RGPD4: variants seen among roughly 807,000 people sequenced by gnomAD.
RGPD4 encodes RANBP2 like and GRIP domain containing 4.
A neutral mutation model predicts 141.1 loss-of-function variants in RGPD4; 84 were observed. The ratio of observed to expected loss-of-function variants is 0.60; its 90% CI spans 0.50 to 0.71. RGPD4 has a LOEUF of 0.71. Among genes scored for constraint, RGPD4 ranks in the 30% least tolerant of loss-of-function variants. RGPD4 has a pLI of 0.00. For missense variants in RGPD4, 918 were observed against 1,622.4 expected (o/e 0.57, Z 7.46); for synonymous variants, 298 against 566.8 (o/e 0.53, Z 6.74).
chr2:107,828,220 G>A (rs1478398132), intron 1 of RGPD4, among the ~76,000 whole-genome samples: 6 of 32,200 alleles, frequency 1.9e-4, no homozygotes, highest in Admixed American at 9.6e-4. Flanking sequence ...CTGGCCGGGC[G>A]GCGGCGGCCT....
intron 22 of RGPD4, among the ~76,000 whole-genome samples, chr2:107,889,087 A>G (rs1477631930): frequency 6.6e-6 from 1 of 150,522 alleles, no homozygotes; most frequent in South Asian, 2.1e-4. Flanking sequence ...AATTTTGAAA[A>G]TGCTACTCTG....
At chr2:107,881,468 C>G (rs1195414979) in intron 21 of RGPD4, among the ~76,000 whole-genome samples, 1 of 151,864 alleles carries the variant, frequency 6.6e-6, no homozygotes. Flanking sequence ...CAGGCACGCA[C>G]CACCATGCCC....
chr2:107,859,742 T>G lies in RGPD4; in HGVS notation c.1655T>G (p.Leu552Trp). The change falls in exon 12 of 23, where the codon TTG becomes TGG. Residue 552 changes from leucine (L) to tryptophan (W), a missense_variant. Coordinates refer to ENST00000408999, the MANE Select transcript of RGPD4 (RefSeq NM_182588.3). ...RKAVPGNSAK[L>W]RLLVQHEINT... Reference sequence around the variant, plus strand: ...TTTAGACCTGGAAACTCAGCAAAATTGAGACTTTTAGTTCAGCATGAAATA... The same window carrying G: ...TTTAGACCTGGAAACTCAGCAAAATGGAGACTTTTAGTTCAGCATGAAATA... The G allele has an allele frequency of 6.2e-7, 1 of 1,611,178 alleles. No homozygotes were observed. The highest frequency in any genetic ancestry group is 8.5e-7 in the Non-Finnish European group (1 of 1,179,842).
intron 17 of RGPD4, among the ~76,000 whole-genome samples, chr2:107,863,675 T>C (rs1682634555): frequency 1.3e-5 from 2 of 151,700 alleles, no homozygotes; most frequent in South Asian, 4.1e-4. Context: ...GTATTTTTAG[T>C]AGACACAGAG....
chr2:107,829,276 CG>C, intron 1 of RGPD4, among the ~76,000 whole-genome samples: 1 of 33,430 alleles, frequency 3.0e-5, no homozygotes, highest in East Asian at 4.6e-4. Context: ...GGCCTTGACC[CG>C]GCCCGGCGGC....
intron 1 of RGPD4, among the ~76,000 whole-genome samples, chr2:107,828,036 G>C (rs1409712310): frequency 3.3e-5 from 2 of 60,804 alleles, no homozygotes; most frequent in Admixed American, 2.9e-4. Context: ...TGGCTCAGGC[G>C]TCATGGCTCC....
chr2:107,883,834 C>G (rs904494992), intron 22 of RGPD4, among the ~76,000 whole-genome samples: 5 of 152,048 alleles, frequency 3.3e-5, no homozygotes, highest in African/African-American at 9.7e-5. Flanking sequence ...TTTACAAGCA[C>G]AAGGAAGGCG....
intron 20 of RGPD4, among the ~76,000 whole-genome samples, chr2:107,878,543 A>G (rs1243315612): frequency 2.0e-5 from 3 of 151,198 alleles, no homozygotes; most frequent in East Asian, 1.9e-4. Context: ...TTTAATTACT[A>G]TTACTCTAAG....
At chr2:107,835,071 CTT>C (rs1195678590) in intron 1 of RGPD4, among the ~76,000 whole-genome samples, 4 of 11,634 alleles carry the variant, frequency 3.4e-4, no homozygotes, top group African/African-American at 6.3e-4. Flanking sequence ...GTTGTATCAG[CTT>C]TTTTTTTTTT....
At position 107,826,914 on chromosome 2, in the gene RGPD4, G is replaced by C. The variant is rs943607804; in HGVS notation, c.-100G>C. 5 of 1,545,710 alleles carry C rather than the reference G, an allele frequency of 3.2e-6. No individual in the cohort carries two copies. In the African/African-American group the frequency reaches 4.1e-5, roughly 13 times the overall value. On this transcript the variant is annotated 5_prime_UTR_variant, in exon 1 of 23. Transcript: ENST00000408999. ...GTCACAGTGGTCCTCCGCCGGCTACGCGGAGTCAGTGGCTTTCAGGCGCTT... is the reference window on the plus strand; with the variant it reads ...GTCACAGTGGTCCTCCGCCGGCTACCCGGAGTCAGTGGCTTTCAGGCGCTT...
At chr2:107,887,298 A>G (rs1432463052) in intron 22 of RGPD4, among the ~76,000 whole-genome samples, 1 of 152,206 alleles carries the variant, frequency 6.6e-6, no homozygotes, top group Non-Finnish European at 1.5e-5. Flanking sequence ...AAACATTAGA[A>G]TATGTTGAAT....
chr2:107,853,547 A>C (rs1682188070), intron 7 of RGPD4, among the ~76,000 whole-genome samples: 1 of 119,922 alleles, frequency 8.3e-6, no homozygotes, highest in Admixed American at 9.0e-5. Flanking sequence ...TGTTATCTAC[A>C]ATGTGGCATT....
chr2:107,860,780 T>C lies in RGPD4; in HGVS notation c.1773T>C (p.Asn591=), dbSNP rs189216330. Residue 591 remains asparagine (N), a synonymous_variant, in exon 13 of 23, where the codon AAT becomes AAC. Coordinates refer to ENST00000408999, the MANE Select transcript of RGPD4 (RefSeq NM_182588.3). ...KCLQKMGSGL[N]SFYDQREYIG... is the part of the protein sequence containing the mutation. ...TTCTTTTTTAGGGCAGTGGTCTTAA[T>C]TCTTTTTATGATCAACGAGAATACA... The C allele has an allele frequency of 6.1e-4, 976 of 1,610,616 alleles. 15 individuals carry two copies. In the East Asian group the frequency reaches 0.018, roughly 30 times the overall value.
intron 22 of RGPD4, among the ~76,000 whole-genome samples, chr2:107,886,866 T>C (rs3868863): frequency 1.3e-5 from 2 of 151,910 alleles, no homozygotes; most frequent in African/African-American, 4.8e-5. Flanking sequence ...AAGTTTATAA[T>C]AGTATTTTTC....
intron 1 of RGPD4, among the ~76,000 whole-genome samples, chr2:107,829,750 C>T (rs1186136663): frequency 2.0e-5 from 3 of 152,104 alleles, no homozygotes; most frequent in East Asian, 1.9e-4. Flanking sequence ...TTGTTCCCGA[C>T]GCTTGTTCCC....
chr2:107,869,715 A>G (rs1337648462), intron 18 of RGPD4, among the ~76,000 whole-genome samples, 168 bp from the exon 19 acceptor site: 1 of 146,964 alleles, frequency 6.8e-6, no homozygotes, highest in African/African-American at 2.5e-5. Context: ...CTAGTTTGTC[A>G]TTTGATAATC....
In RGPD4 at chr2:107,881,978, C is replaced by T. The variant is rs1289870361; in HGVS notation, c.5065-694C>T. 2.6e-5 allele frequency among the ~76,000 whole-genome samples: 4 copies of T among 151,830 alleles called. No individual in the cohort carries two copies. The East Asian group carries it at 7.7e-4, about 29-fold the overall frequency. ...GGGGCAGGGGGTTAGTGGAGGCTAC[C>T]AATGTTCCCCTCAGCCCATTTTCAG... On this transcript the variant is annotated intron_variant, in intron 21 of 22. Transcript: ENST00000408999.
chr2:107,884,349 C>T (rs1298324100), intron 22 of RGPD4, among the ~76,000 whole-genome samples: 1 of 152,230 alleles, frequency 6.6e-6, no homozygotes, highest in Non-Finnish European at 1.5e-5. Context: ...ATCTGCCCAC[C>T]TTGGCCTCCC....
chr2:107,830,424 T>A (rs532587079), intron 1 of RGPD4, among the ~76,000 whole-genome samples: 67 of 151,772 alleles, frequency 4.4e-4, no homozygotes, highest in Non-Finnish European at 8.2e-4. Flanking sequence ...TAAAAACCAC[T>A]GGTCTAGACA....
Sources: gnomAD v4.1 joint callset for allele counts (sites outside exome capture counted in the v4.1 genomes callset) on GRCh38, gnomAD v4.1.1 for gene constraint, MANE v1.5 for transcripts, NCBI Gene and HGNC (gene_info 2026-07-23, HGNC 2026-07-21) for gene names.